Variants in RBFOX1 observed in about 807,000 individuals in gnomAD.
The protein encoded by RBFOX1 is RNA binding protein fox-1 homolog 1.
In RBFOX1, 8 loss-of-function variants were observed where a neutral mutation model predicts 57.7. The observed-to-expected ratio is 0.14, with a 90% CI of 0.08 to 0.25. The LOEUF (loss-of-function observed/expected upper bound fraction) is 0.25, where lower values mean the gene tolerates loss of function less well. RBFOX1 is among the 10% of genes least tolerant of loss of function. The pLI is 1.00. For missense variants in RBFOX1, 611 were observed against 548.5 expected (o/e 1.11, Z -1.14); for synonymous variants, 326 against 222.4 (o/e 1.47, Z -4.15).
intron 3 of RBFOX1, among the ~76,000 whole-genome samples, chr16:6,895,073 A>G (rs761730353): frequency 6.6e-6 from 1 of 152,158 alleles, no homozygotes; most frequent in Non-Finnish European, 1.5e-5. Context: ...CATCTTTAAT[A>G]AATAATCTAA....
chr16:7,435,134 T>C (rs935240357), intron 4 of RBFOX1, among the ~76,000 whole-genome samples: 1 of 152,200 alleles, frequency 6.6e-6, no homozygotes, highest in Non-Finnish European at 1.5e-5. Context: ...AGTTTTTACC[T>C]CGTTCTTTTC....
At chr16:6,290,703 G>C (rs1304022429) in intron 1 of RBFOX1, among the ~76,000 whole-genome samples, 2 of 152,154 alleles carry the variant, frequency 1.3e-5, no homozygotes, top group Non-Finnish European at 2.9e-5. Flanking sequence ...TTGTTGTGGT[G>C]GTGGTAGTTT....
At chr16:6,174,733 C>T (rs571882149) in intron 1 of RBFOX1, among the ~76,000 whole-genome samples, 6 of 152,354 alleles carry the variant, frequency 3.9e-5, no homozygotes, top group South Asian at 2.1e-4. Context: ...TCTGCACCTA[C>T]GTCTCATGCT....
chr16:6,711,545 T>A (rs2063719287), intron 3 of RBFOX1, among the ~76,000 whole-genome samples: 1 of 152,220 alleles, frequency 6.6e-6, no homozygotes, highest in African/African-American at 2.4e-5. Context: ...TTTAAAAGTG[T>A]TTGGCAGTTC....
chr16:5,573,648 G>A (rs1229267143), intron 2 of RBFOX1, among the ~76,000 whole-genome samples: 3 of 152,106 alleles, frequency 2.0e-5, no homozygotes, highest in Non-Finnish European at 4.4e-5. Flanking sequence ...CCCCGTCCAG[G>A]CATCCCAAGG....
At position 6,534,367 on chromosome 16, in the gene RBFOX1, G is replaced by A. The variant is rs189751159; in HGVS notation, c.-63-120236G>A. Among the ~76,000 whole-genome samples the A allele has an allele frequency of 2.0e-5, 3 of 152,058 alleles. No individual in the cohort carries two copies. In the East Asian group the frequency reaches 5.8e-4, roughly 29 times the overall value. On this transcript the variant is annotated intron_variant, in intron 2 of 15. Coordinates refer to ENST00000550418, the MANE Select transcript of RBFOX1 (RefSeq NM_018723.4). ...ATGGTTCTAGTTTTATGAAGCTGACGAACAGGAGAAATTGGCCTATGGGGA... is the reference window on the plus strand; with the variant it reads ...ATGGTTCTAGTTTTATGAAGCTGACAAACAGGAGAAATTGGCCTATGGGGA...
At chr16:6,646,668 C>T (rs1226653166) in intron 2 of RBFOX1, among the ~76,000 whole-genome samples, 1 of 152,082 alleles carries the variant, frequency 6.6e-6, no homozygotes, top group African/African-American at 2.4e-5. Flanking sequence ...CGGGCAAAAG[C>T]AGACAGAGAG....
intron 4 of RBFOX1, among the ~76,000 whole-genome samples, chr16:7,106,495 T>C (rs1352970465): frequency 6.6e-6 from 1 of 152,180 alleles, no homozygotes; most frequent in Admixed American, 6.5e-5. Flanking sequence ...GATTCCTTTA[T>C]AATTCAGTAG....
At chr16:5,804,592 G>C (rs747067501) in intron 3 of RBFOX1, among the ~76,000 whole-genome samples, 6 of 152,100 alleles carry the variant, frequency 3.9e-5, no homozygotes, top group Admixed American at 6.5e-5. Context: ...GGAGGTGAAG[G>C]GGACCTGCCC....
At chr16:5,810,880 G>T (rs533720275) in intron 3 of RBFOX1, among the ~76,000 whole-genome samples, 1 of 152,276 alleles carries the variant, frequency 6.6e-6, no homozygotes, top group Non-Finnish European at 1.5e-5. Context: ...ATTAAGTTAT[G>T]ATTGGTATTC....
At chr16:6,564,173 A>T (rs2097222846) in intron 2 of RBFOX1, among the ~76,000 whole-genome samples, 1 of 152,120 alleles carries the variant, frequency 6.6e-6, no homozygotes, top group African/African-American at 2.4e-5. Context: ...CTTGATGAGG[A>T]TAAAAGCCAT....
intron 4 of RBFOX1, among the ~76,000 whole-genome samples, chr16:7,464,257 G>T (rs891321387): frequency 6.6e-6 from 1 of 152,194 alleles, no homozygotes; most frequent in Admixed American, 6.5e-5. Flanking sequence ...ATGGTGGACA[G>T]TTTAGCCATT....
chr16:6,923,433 TGAGG>T (rs2074924630), intron 3 of RBFOX1, among the ~76,000 whole-genome samples: 1 of 152,026 alleles, frequency 6.6e-6, no homozygotes, highest in Admixed American at 6.6e-5. Flanking sequence ...CTTGGAAGGC[TGAGG>T]AAGGAGAGTT....
At chr16:6,265,000 C>G (rs1398747953) in intron 1 of RBFOX1, among the ~76,000 whole-genome samples, 1 of 152,174 alleles carries the variant, frequency 6.6e-6, no homozygotes, top group African/African-American at 2.4e-5. Flanking sequence ...CCTCGTCCTG[C>G]CTCCCATGCC....
At chr16:5,974,121 C>A (rs1273203474) in intron 4 of RBFOX1, among the ~76,000 whole-genome samples, 4 of 152,188 alleles carry the variant, frequency 2.6e-5, no homozygotes, top group African/African-American at 9.6e-5. Context: ...GAATAGAATA[C>A]ATTCTTAACC....
chr16:6,471,204 A>G (rs553314009), intron 2 of RBFOX1, among the ~76,000 whole-genome samples: 1 of 152,236 alleles, frequency 6.6e-6, no homozygotes, highest in Non-Finnish European at 1.5e-5. Context: ...TATGGTTTGA[A>G]TGCCTTTCTC....
chr16:6,038,460 G>A (rs1405902618), intron 1 of RBFOX1: 5 of 149,434 alleles, frequency 3.3e-5, no homozygotes, highest in Non-Finnish European at 7.4e-5. Context: ...GGAATTACAG[G>A]TGTGAGCCAC....
intron 5 of RBFOX1, among the ~76,000 whole-genome samples, chr16:7,526,383 G>C (rs2078714843): frequency 6.6e-6 from 1 of 152,126 alleles, no homozygotes; most frequent in Non-Finnish European, 1.5e-5. Flanking sequence ...CTGGCCTCTG[G>C]ACTTGACAAG....
intron 3 of RBFOX1, among the ~76,000 whole-genome samples, chr16:5,753,581 G>A (rs929318527): frequency 1.4e-4 from 21 of 152,240 alleles, no homozygotes; most frequent in South Asian, 2.1e-4. Flanking sequence ...ATTGGCTGGC[G>A]AGAGCCGATT....
Sources: allele counts gnomAD v4.1 joint callset (sites outside exome capture counted in the v4.1 genomes callset), GRCh38; gene constraint gnomAD v4.1.1; transcripts MANE v1.5; gene names NCBI Gene and HGNC (gene_info 2026-07-23, HGNC 2026-07-21).